CHD1: variants seen among roughly 807,000 people sequenced by gnomAD.
CHD1 encodes the protein ATP-dependent chromatin remodeler CHD1.
A neutral mutation model predicts 224.2 loss-of-function variants in CHD1; 36 were observed. That is an observed-to-expected ratio of 0.16 (90% CI 0.12 to 0.21). The LOEUF (loss-of-function observed/expected upper bound fraction) is 0.21, where lower values mean the gene tolerates loss of function less well. Among genes scored for constraint, CHD1 ranks in the 10% least tolerant of loss-of-function variants. The pLI, the probability that CHD1 is intolerant of heterozygous loss-of-function variation, is 1.00. For synonymous variants in CHD1, 668 were observed against 658.3 expected, an observed-to-expected ratio of 1.01 and a Z score of -0.23; for missense variants, 1,378 against 1,994.8, an observed-to-expected ratio of 0.69 and a Z score of 5.89.
chr5:98,871,631 A>G (rs1749357060), intron 28 of CHD1, among the ~76,000 whole-genome samples: 1 of 152,062 alleles, frequency 6.6e-6, no homozygotes, highest in African/African-American at 2.4e-5. Context: ...CTAGAAAAGA[A>G]TCACTTAAAT....
intron 2 of CHD1, among the ~76,000 whole-genome samples, chr5:98,920,937 G>A (rs905687496): frequency 6.6e-5 from 10 of 152,220 alleles, no homozygotes; most frequent in Admixed American, 1.3e-4. Flanking sequence ...CTGGGGAGAC[G>A]TGACAACTAA....
At chr5:98,893,659 G>T in intron 13 of CHD1, 53 bp from the exon 14 acceptor site, 1 of 1,151,322 alleles carries the variant, frequency 8.7e-7, no homozygotes, top group Non-Finnish European at 1.2e-6. Flanking sequence ...TTCAAATTTA[G>T]CCTTCCCATT....
intron 8 of CHD1, among the ~76,000 whole-genome samples, chr5:98,898,994 G>C (rs1236298866): frequency 6.6e-6 from 1 of 152,102 alleles, no homozygotes; most frequent in Non-Finnish European, 1.5e-5. Flanking sequence ...CCAAGGATAG[G>C]TTTAGATAGG....
At position 98,900,959 on chromosome 5, in the gene CHD1, A is replaced by G; in HGVS notation, c.711T>C (p.Thr237=). ...NDKRSSRRQA[T]VNVSYKEDEE... Reference sequence around the variant, plus strand: ...CATCCTCCTTATAGCTAACATTAACAGTTGCTTGGCGACGAGAACTTCTTT... The same window carrying G: ...CATCCTCCTTATAGCTAACATTAACGGTTGCTTGGCGACGAGAACTTCTTT... The change falls in exon 7 of 36, where the codon ACT becomes ACC. Residue 237 remains threonine (T), a synonymous_variant. Coordinates refer to ENST00000614616, the MANE Select transcript of CHD1 (RefSeq NM_001270.4). The G allele has an allele frequency of 6.2e-7, 1 of 1,614,040 alleles. No individual in the cohort carries two copies. Among genetic ancestry groups the G allele is most frequent in the Non-Finnish European group, 8.5e-7 (1 of 1,179,994 alleles).
In CHD1 at chr5:98,902,908, C is replaced by G. The variant is rs1411740659; in HGVS notation, c.429G>C (p.Lys143Asn). Reference sequence around the variant, plus strand: ...TGAACAAAATGACATACTCTTTATGCTTTTTCCTTTTGACCTCACTTGATG... The same window carrying G: ...TGAACAAAATGACATACTCTTTATGGTTTTTCCTTTTGACCTCACTTGATG... ...DDSSSEVKRK[K>N]HKDEDWQMSG... The change falls in exon 5 of 36, where the codon AAG (lysine) becomes AAC (asparagine). Residue 143 changes from lysine to asparagine, a missense_variant. Around this residue, in one of 16 missense-constraint regions of CHD1, gnomAD observed 306 missense variants for 298.1 expected, o/e 1.03. Transcript: ENST00000614616. 3.1e-6 allele frequency: 5 copies of G among 1,595,340 alleles called. No homozygotes were observed. The highest frequency in any genetic ancestry group is 3.4e-6 in the Non-Finnish European group (4 of 1,165,860).
chr5:98,879,192 C>T (rs547760586), intron 23 of CHD1, among the ~76,000 whole-genome samples: 1 of 152,214 alleles, frequency 6.6e-6, no homozygotes, highest in South Asian at 2.1e-4. Flanking sequence ...CAGAATTGTG[C>T]CACTGCACTC....
At chr5:98,926,777 A>T (rs897534840) in intron 1 of CHD1, among the ~76,000 whole-genome samples, 5 of 152,122 alleles carry the variant, frequency 3.3e-5, no homozygotes, top group African/African-American at 4.8e-5. Context: ...ATATTTGTGG[A>T]GTGAAAGGAT....
In CHD1 at chr5:98,875,078, A is replaced by C. The variant is rs1213542899; in HGVS notation, c.3434T>G (p.Leu1145Arg). Residue 1145 changes from leucine (L) to arginine (R), a missense_variant, in exon 25 of 36, where the codon CTG becomes CGG. Physicochemically the swap from Leu to Arg is moderately radical, Grantham distance 102. Transcript: ENST00000614616. The part of the protein sequence containing the change: ...IKSYKKFGGP[L>R]ERLDAIARDA... ...GAATAATAAACGTATTTACCTTTCC[A>C]GAGGACCACCAAATTTCTTATAGCT... 6.7e-7 allele frequency: 1 copy of C among 1,486,006 alleles called. No individual in the cohort carries two copies. The highest frequency in any genetic ancestry group is 1.8e-5 in the Admixed American group (1 of 57,046). The allele number at this position is 1,486,006 out of a possible 1,614,324, so 92.1% of individuals were successfully genotyped here. A position where few individuals can be genotyped will look rare whatever the true frequency, so the allele number is the denominator to read the frequency against.
At chr5:98,876,587 T>C in intron 23 of CHD1, 29 bp from the exon 24 acceptor site, 1 of 1,601,258 alleles carries the variant, frequency 6.2e-7, no homozygotes, top group South Asian at 1.1e-5. Flanking sequence ...TACCCAACCT[T>C]AGTGTAAAAA....
At chr5:98,911,142 A>AT (rs1423938810) in intron 2 of CHD1, among the ~76,000 whole-genome samples, 23 of 81,364 alleles carry the variant, frequency 2.8e-4, no homozygotes, top group South Asian at 4.0e-4. Context: ...AAAAAAAAAA[A>AT]AAAAATATAT....
intron 2 of CHD1, among the ~76,000 whole-genome samples, chr5:98,919,228 C>A (rs1169116179): frequency 2.6e-5 from 4 of 152,050 alleles, no homozygotes; most frequent in Non-Finnish European, 5.9e-5. Flanking sequence ...TACTGGAGTA[C>A]AGAAAAAATG....
intron 30 of CHD1, chr5:98,869,083 ATC>A: frequency 1.1e-6 from 1 of 917,588 alleles, no homozygotes; most frequent in Non-Finnish European, 1.3e-6. Context: ...TTTCTTTAAA[ATC>A]TTTTTCCTTT....
chr5:98,882,019 G>T lies in CHD1; in HGVS notation c.2823C>A (p.Asp941Glu). 1 of 1,613,744 alleles carries T rather than the reference G, an allele frequency of 6.2e-7. No homozygotes were observed. Among genetic ancestry groups the T allele is most frequent in the Non-Finnish European group, 8.5e-7 (1 of 1,179,842 alleles). ...VLDHLVIQRM[D>E]TTGKTVLHTG... Reference sequence around the variant, plus strand: ...TATGTAGTACTGTCTTCCCAGTTGTGTCCATTCTTTGAATTACAAGATGAT... The same window carrying T: ...TATGTAGTACTGTCTTCCCAGTTGTTTCCATTCTTTGAATTACAAGATGAT... The change falls in exon 20 of 36, where the codon GAC (aspartate) becomes GAA (glutamate). Residue 941 changes from aspartate to glutamate, a missense_variant. Physicochemically the swap from Asp to Glu is conservative, Grantham distance 45. This residue lies in a region of CHD1 where 286 missense variants were observed against 445.1 expected (regional missense o/e 0.64). Coordinates refer to ENST00000614616, the MANE Select transcript of CHD1 (RefSeq NM_001270.4).
intron 24 of CHD1, 69 bp downstream of exon 24, chr5:98,876,329 G>A (rs10044279): frequency 0.034 from 49,693 of 1,454,160 alleles, 1,202 homozygotes; most frequent in African/African-American, 0.11. Flanking sequence ...TGAAAATTAC[G>A]GCGTTTTTAC....
chr5:98,897,097 A>C, intron 11 of CHD1, 96 bp downstream of exon 11: 1 of 1,173,668 alleles, frequency 8.5e-7, no homozygotes, highest in Admixed American at 2.3e-5. Context: ...ACTGCCAAAG[A>C]GTCTTATTCT....
At chr5:98,871,914 T>C in intron 28 of CHD1, 137 bp downstream of exon 28, 1 of 652,404 alleles carries the variant, frequency 1.5e-6, no homozygotes, top group Non-Finnish European at 2.5e-6. Flanking sequence ...AAGCATCTTC[T>C]AAACGCACCA....
chr5:98,928,299 G>A (rs1021382916), intron 1 of CHD1, among the ~76,000 whole-genome samples: 1 of 152,096 alleles, frequency 6.6e-6, no homozygotes, highest in Non-Finnish European at 1.5e-5. Context: ...CCAAGCCGAA[G>A]AGGCCGGGGC....
chr5:98,871,518 T>C lies in CHD1; in HGVS notation c.3861+533A>G, dbSNP rs532293441. Among the ~76,000 whole-genome samples, 198 of 151,830 alleles carry C rather than the reference T, an allele frequency of 1.3e-3. 2 individuals are homozygous for C. The highest frequency in any genetic ancestry group is 4.2e-3 in the Admixed American group (64 of 15,248). ...CTTACTGGAATAATAAAATTAATGA[T>C]GAATGGGTACAAATATATAGTTAGA... On this transcript the variant is annotated intron_variant, in intron 28 of 35. Coordinates refer to ENST00000614616, the MANE Select transcript of CHD1 (RefSeq NM_001270.4).
At chr5:98,884,296 G>A (rs1441971634) in intron 18 of CHD1, among the ~76,000 whole-genome samples, 3 of 151,798 alleles carry the variant, frequency 2.0e-5, no homozygotes, top group East Asian at 1.9e-4. Context: ...GAATGGTCTC[G>A]ATCTCCTGAC....
Sources: allele counts gnomAD v4.1 joint callset (sites outside exome capture counted in the v4.1 genomes callset), GRCh38; gene constraint gnomAD v4.1.1; regional missense constraint gnomAD v4.1.1; transcripts MANE v1.5; gene names NCBI Gene and HGNC (gene_info 2026-07-23, HGNC 2026-07-21).